Variants in BCHE observed in about 807,000 individuals in gnomAD.
BCHE encodes butyrylcholinesterase, also known as cholinesterase.
Under a neutral mutation model 51.3 loss-of-function variants are expected in BCHE, and 48 were observed. The observed-to-expected ratio is 0.94, with a 90% CI of 0.74 to 1.19. The LOEUF is 1.19. Among genes scored for constraint, BCHE ranks in the 50% most tolerant of loss-of-function variants. The probability of loss-of-function intolerance (pLI) is 0.00; values close to 1 mark genes in which losing one functional copy is unlikely to be tolerated. For synonymous variants in BCHE, 251 were observed against 238.0 expected (o/e 1.05, Z -0.50); for missense variants, 847 against 708.2 (o/e 1.20, Z -2.23).
intron 2 of BCHE, among the ~76,000 whole-genome samples, chr3:165,794,133 A>G (rs964460534): frequency 6.6e-6 from 1 of 152,140 alleles, no homozygotes; most frequent in Non-Finnish European, 1.5e-5. Context: ...AAATAAAATG[A>G]GTTTAATATC....
chr3:165,809,694 T>A (rs546439821), intron 2 of BCHE, among the ~76,000 whole-genome samples: 1 of 152,130 alleles, frequency 6.6e-6, no homozygotes. Flanking sequence ...CAAATTTCCA[T>A]GCATTTTCAT....
At chr3:165,794,625 G>A (rs868329212) in intron 2 of BCHE, among the ~76,000 whole-genome samples, 4 of 152,082 alleles carry the variant, frequency 2.6e-5, no homozygotes, top group Non-Finnish European at 4.4e-5. Context: ...AGGGCTCTAC[G>A]CTCATCACCT....
chr3:165,832,674 A>C (rs1383976780), intron 1 of BCHE, among the ~76,000 whole-genome samples: 2 of 152,198 alleles, frequency 1.3e-5, no homozygotes, highest in African/African-American at 2.4e-5. Context: ...ACAAAGATCC[A>C]TTAATGTACA....
chr3:165,815,377 A>G (rs536869300), intron 2 of BCHE, among the ~76,000 whole-genome samples: 1 of 152,124 alleles, frequency 6.6e-6, no homozygotes, highest in South Asian at 2.1e-4. Flanking sequence ...CCATCACACC[A>G]CAAAGTTCAA....
intron 2 of BCHE, among the ~76,000 whole-genome samples, chr3:165,798,091 G>T (rs186578106): frequency 6.6e-6 from 1 of 152,030 alleles, no homozygotes; most frequent in Admixed American, 6.5e-5. Context: ...CTGTTTTTTT[G>T]ACTCTTGTAG....
intron 3 of BCHE, among the ~76,000 whole-genome samples, chr3:165,773,757 G>T (rs906111143): frequency 1.3e-5 from 2 of 150,964 alleles, no homozygotes; most frequent in Non-Finnish European, 2.9e-5. Flanking sequence ...AATGGAAAAT[G>T]AGTTTATATA....
intron 2 of BCHE, among the ~76,000 whole-genome samples, chr3:165,809,531 T>A (rs1713999447): frequency 6.6e-6 from 1 of 152,170 alleles, no homozygotes; most frequent in South Asian, 2.1e-4. Flanking sequence ...CATTAAAATG[T>A]TATTTCTCAC....
intron 3 of BCHE, among the ~76,000 whole-genome samples, chr3:165,776,037 A>G (rs1712457836): frequency 6.6e-6 from 1 of 151,912 alleles, no homozygotes; most frequent in Non-Finnish European, 1.5e-5. Context: ...CAACATCAGC[A>G]ATATTCATGA....
At chr3:165,813,330 A>C (rs1050551244) in intron 2 of BCHE, among the ~76,000 whole-genome samples, 2 of 151,616 alleles carry the variant, frequency 1.3e-5, no homozygotes, top group Non-Finnish European at 3.0e-5. Context: ...TATATTTTAT[A>C]CTCATATTTT....
chr3:165,796,999 G>T (rs1424036458), intron 2 of BCHE, among the ~76,000 whole-genome samples: 2 of 151,988 alleles, frequency 1.3e-5, no homozygotes, highest in African/African-American at 2.4e-5. Context: ...TAATTAGCTG[G>T]CAAGTTAAAG....
chr3:165,806,158 T>C (rs1028374210), intron 2 of BCHE, among the ~76,000 whole-genome samples: 2 of 152,176 alleles, frequency 1.3e-5, no homozygotes, highest in Non-Finnish European at 2.9e-5. Flanking sequence ...AGTTTTCACA[T>C]GGTGCTCTTG....
chr3:165,813,136 AGAG>A (rs1714170264), intron 2 of BCHE, among the ~76,000 whole-genome samples: 1 of 151,916 alleles, frequency 6.6e-6, no homozygotes, highest in Admixed American at 6.6e-5. Context: ...GGATTTAGCA[AGAG>A]AAGTTGCAAA....
chr3:165,830,675 C>G lies in BCHE; in HGVS notation c.359G>C (p.Cys120Ser), dbSNP rs1164843733. ...WNPNTDLSED[C>S]LYLNVWIPAP... ...TGGAATCCATACATTTAGATATAAACAGTCTTCACTGAGGTCAGTGTTTGG... is the reference window on the plus strand; with the variant it reads ...TGGAATCCATACATTTAGATATAAAGAGTCTTCACTGAGGTCAGTGTTTGG... The change falls in exon 2 of 4, where the codon TGT becomes TCT. Residue 120 changes from cysteine to serine, a missense_variant. Coordinates refer to ENST00000264381, the MANE Select transcript of BCHE (RefSeq NM_000055.4). The G allele has an allele frequency of 6.2e-7, 1 of 1,614,012 alleles. No individual in the cohort carries two copies. Among genetic ancestry groups the G allele is most frequent in the Admixed American group, 1.7e-5 (1 of 59,976 alleles).
chr3:165,794,984 A>G (rs904758088), intron 2 of BCHE, among the ~76,000 whole-genome samples: 4 of 152,182 alleles, frequency 2.6e-5, no homozygotes, highest in African/African-American at 7.2e-5. Flanking sequence ...TGCCTATCAT[A>G]AACCTAGGAA....
chr3:165,778,322 A>T (rs1434686166), intron 3 of BCHE: 1 of 154,058 alleles, frequency 6.5e-6, no homozygotes, highest in African/African-American at 2.4e-5. Flanking sequence ...GAAAGACCCT[A>T]CCTCAGAAAT....
intron 2 of BCHE, among the ~76,000 whole-genome samples, chr3:165,816,896 T>C (rs1714332567): frequency 6.6e-6 from 1 of 152,102 alleles, no homozygotes; most frequent in African/African-American, 2.4e-5. Context: ...ACCATCTTCA[T>C]ACTTTTAGAT....
chr3:165,782,160 AT>A (rs1303479230), intron 3 of BCHE, among the ~76,000 whole-genome samples: 1 of 152,128 alleles, frequency 6.6e-6, no homozygotes, highest in African/African-American at 2.4e-5. Context: ...AATTTGTTAT[AT>A]TTTTATTCTT....
intron 3 of BCHE, among the ~76,000 whole-genome samples, chr3:165,780,649 T>C (rs1096092): frequency 0.91 from 138,549 of 152,232 alleles, 63,609 homozygotes; most frequent in Non-Finnish European, 0.97. Context: ...GGCCAACAAA[T>C]GTATGAAAAA....
chr3:165,775,553 A>C (rs1427492492), intron 3 of BCHE, among the ~76,000 whole-genome samples: 2 of 151,824 alleles, frequency 1.3e-5, no homozygotes, highest in East Asian at 1.9e-4. Context: ...TTGATAAATA[A>C]ATTTTTGGTA....
Sources: gnomAD v4.1 joint callset for allele counts (sites outside exome capture counted in the v4.1 genomes callset) on GRCh38, gnomAD v4.1.1 for gene constraint, MANE v1.5 for transcripts, NCBI Gene and HGNC (gene_info 2026-07-23, HGNC 2026-07-21) for gene names.